RAP1GAP: variants seen among roughly 807,000 people sequenced by gnomAD.
The protein encoded by RAP1GAP is rap1 GTPase-activating protein 1.
RAP1GAP carries 35 observed loss-of-function variants against 87.2 expected under a neutral mutation model. That is an observed-to-expected ratio of 0.40 (90% CI 0.31 to 0.53). The LOEUF is 0.53. Ranked by LOEUF, RAP1GAP falls within the 20% of genes least tolerant of loss-of-function variation. RAP1GAP has a pLI of 0.48. For synonymous variants in RAP1GAP, 375 were observed against 363.9 expected (o/e 1.03, Z -0.35); for missense variants, 734 against 898.9 (o/e 0.82, Z 2.35).
chr1:21,617,252 G>T, intron 7 of RAP1GAP, 54 bp downstream of exon 7: 1 of 1,536,438 alleles, frequency 6.5e-7, no homozygotes, highest in Non-Finnish European at 8.8e-7. Flanking sequence ...ACCTCGAATG[G>T]GGCTGAACTG....
rs1396044356 is a variant in RAP1GAP at position 21,617,364 on chromosome 1, T to C, written c.233A>G (p.Lys78Arg). ...TGTGGGGTTGCACTCGAGCTTCACCTTGGTTGTGGGCGACTGCAGTGGCTC... is the reference window on the plus strand; with the variant it reads ...TGTGGGGTTGCACTCGAGCTTCACCCTGGTTGTGGGCGACTGCAGTGGCTC... ...ETEPLQSPTT[K>R]VKLECNPTAR... Residue 78 changes from lysine (K) to arginine (R), a missense_variant, in exon 7 of 25, where the codon AAG (lysine) becomes AGG (arginine). Lys to Arg is a conservative substitution (Grantham distance 26). Transcript: ENST00000374765. The C allele has an allele frequency of 6.2e-7, 1 of 1,600,494 alleles. No individual in the cohort carries two copies.
chr1:21,599,666 T>G (rs1360553090), intron 20 of RAP1GAP, 49 bp from the exon 21 acceptor site: 16 of 1,575,250 alleles, frequency 1.0e-5, no homozygotes, highest in Non-Finnish European at 1.4e-5. Flanking sequence ...GAGCCCCTCC[T>G]GGGCCAGGCC....
chr1:21,607,963 C>T (rs1304832346), intron 17 of RAP1GAP, among the ~76,000 whole-genome samples: 2 of 151,662 alleles, frequency 1.3e-5, no homozygotes, highest in Non-Finnish European at 2.9e-5. Flanking sequence ...CACACCTCCA[C>T]ACCATGTCAA....
intron 1 of RAP1GAP, among the ~76,000 whole-genome samples, chr1:21,652,104 C>T (rs1380362727): frequency 2.0e-5 from 3 of 148,486 alleles, no homozygotes; most frequent in Non-Finnish European, 3.0e-5. Context: ...GCCCCTCCCC[C>T]ACCCCCTTCC....
rs925635934 is a variant in RAP1GAP at position 21,634,064 on chromosome 1, G to T, written c.-112-7667C>A. Among the ~76,000 whole-genome samples the T allele has an allele frequency of 1.4e-4, 10 of 73,122 alleles. No individual in the cohort carries two copies. Among genetic ancestry groups the T allele is most frequent in the Admixed American group, 2.9e-4 (2 of 6,974 alleles). The allele number at this position is 73,122 out of a possible 152,430, so 48.0% of individuals were successfully genotyped here. On this transcript the variant is annotated intron_variant, in intron 2 of 24. Transcript: ENST00000374765. This position sits in a 1 kb window ranked among gnomAD's most constrained non-coding sequence, Gnocchi z 4.1. ...CCCCAGAACTGCCCCCTCCCGGGGGGGGGGGGGGGCCACAGAAGCCCATTG... is the reference window on the plus strand; with the variant it reads ...CCCCAGAACTGCCCCCTCCCGGGGGTGGGGGGGGGCCACAGAAGCCCATTG...
intron 7 of RAP1GAP, among the ~76,000 whole-genome samples, chr1:21,616,807 G>A (rs2082465217): frequency 6.6e-6 from 1 of 152,216 alleles, no homozygotes; most frequent in African/African-American, 2.4e-5. Flanking sequence ...TATACCTGGT[G>A]CCTAGAACAG....
At chr1:21,606,645 CTTCT>C (rs957399876) in intron 17 of RAP1GAP, among the ~76,000 whole-genome samples, 1 of 152,174 alleles carries the variant, frequency 6.6e-6, no homozygotes, top group Non-Finnish European at 1.5e-5. Context: ...GCTCTCCTGC[CTTCT>C]TTCTTTTCTT....
chr1:21,653,586 T>C (rs1032871251), intron 1 of RAP1GAP, among the ~76,000 whole-genome samples: 2 of 126,010 alleles, frequency 1.6e-5, no homozygotes, highest in African/African-American at 6.1e-5. Context: ...CTTCCTTCCT[T>C]CCTTCCTCCC....
At chr1:21,617,666 C>T (rs1380247010) in intron 6 of RAP1GAP, among the ~76,000 whole-genome samples, 175 bp from the exon 7 acceptor site, 1 of 152,228 alleles carries the variant, frequency 6.6e-6, no homozygotes, top group African/African-American at 2.4e-5. Flanking sequence ...CAGCCAGACC[C>T]AGACAGCGCC....
intron 22 of RAP1GAP, 140 bp from the exon 23 acceptor site, chr1:21,598,204 G>A (rs929394685): frequency 1.7e-5 from 13 of 769,146 alleles, no homozygotes; most frequent in East Asian, 1.4e-4. Context: ...ATTATCCTCC[G>A]AGACCCTTCC....
In RAP1GAP at chr1:21,615,186, G is replaced by A. The variant is rs189176767; in HGVS notation, c.292-1097C>T. Among the ~76,000 whole-genome samples, 18 of 152,268 alleles carry A rather than the reference G, an allele frequency of 1.2e-4. No homozygotes were observed. Among genetic ancestry groups the A allele is most frequent in the African/African-American group, 3.4e-4 (14 of 41,552 alleles). On this transcript the variant is annotated intron_variant, in intron 7 of 24. Transcript: ENST00000374765. This position sits in a 1 kb window ranked among gnomAD's most constrained non-coding sequence, Gnocchi z 4.5. ...CACCCCCAAGCCCAGAGGAGCCCCCGGGACACAGTGGGAGAGCGGGCTCAG... is the reference window on the plus strand; with the variant it reads ...CACCCCCAAGCCCAGAGGAGCCCCCAGGACACAGTGGGAGAGCGGGCTCAG...
rs956769079 is a variant in RAP1GAP, at chr1:21,615,093, G to C, written c.292-1004C>G. On this transcript the variant is annotated intron_variant, in intron 7 of 24. Transcript: ENST00000374765. The surrounding 1 kb of genome is among the most constrained non-coding windows in gnomAD (Gnocchi z 4.5). ...AATGCTTGACATCATCCAGCAGAGA[G>C]GGAGTGGCAGGCACTTGATAAGGAG... is the stretch of plus-strand genomic sequence containing the variant. Among the ~76,000 whole-genome samples, 1 of 152,206 alleles carries C rather than the reference G, an allele frequency of 6.6e-6. No homozygotes were observed. Among genetic ancestry groups the C allele is most frequent in the Non-Finnish European group, 1.5e-5 (1 of 68,038 alleles).
In RAP1GAP at chr1:21,603,394, C is replaced by T; in HGVS notation, c.1429-481G>A. 1.9e-6 allele frequency: 1 copy of T among 537,690 alleles called. No individual in the cohort carries two copies. The allele number at this position is 537,690 out of a possible 1,614,324, so 33.3% of individuals were successfully genotyped here. On this transcript the variant is annotated intron_variant, in intron 18 of 24. Transcript: ENST00000374765. The surrounding 1 kb of genome is among the most constrained non-coding windows in gnomAD (Gnocchi z 6.0). ...CTCCCCCAGCTTCCCACACACTGTG[C>T]TGGGATGCCCCAGGCCCCAGAAGCC...
At chr1:21,601,043 T>G (rs2067979601) in intron 20 of RAP1GAP, among the ~76,000 whole-genome samples, 1 of 141,340 alleles carries the variant, frequency 7.1e-6, no homozygotes, top group Admixed American at 7.3e-5. Flanking sequence ...TTTTAAGCAA[T>G]GGAGTCTTGC....
At chr1:21,620,499 A>G (rs1261370398) in intron 3 of RAP1GAP, among the ~76,000 whole-genome samples, 1 of 152,074 alleles carries the variant, frequency 6.6e-6, no homozygotes, top group African/African-American at 2.4e-5. Flanking sequence ...AAGGGGAGTG[A>G]GCTGGGGGTG....
chr1:21,639,490 G>A (rs951624280), intron 2 of RAP1GAP, among the ~76,000 whole-genome samples: 2 of 152,202 alleles, frequency 1.3e-5, no homozygotes, highest in Admixed American at 1.3e-4. Flanking sequence ...CTAGCTGTGT[G>A]GCCTAGGGAG....
In RAP1GAP at chr1:21,619,094, T is replaced by C. The variant is rs187507821; in HGVS notation, c.19-22A>G. On this transcript the variant is annotated intron_variant, in intron 4 of 24. Coordinates refer to ENST00000374765, the MANE Select transcript of RAP1GAP (RefSeq NM_002885.4). ...TTCCCTGTAAGAGAAGGCAGCACTG[T>C]TACACCCTCCCAGGCCTGCCGCCAG... 326 of 1,587,994 alleles carry C rather than the reference T, an allele frequency of 2.1e-4. No individual in the cohort carries two copies. The African/African-American group carries it at 4.2e-3, about 20-fold the overall frequency.
chr1:21,643,777 C>T (rs1287742948), intron 2 of RAP1GAP, among the ~76,000 whole-genome samples: 2 of 152,138 alleles, frequency 1.3e-5, no homozygotes, highest in African/African-American at 4.8e-5. Flanking sequence ...ATACTGTTTC[C>T]ATTGTTATGG....
chr1:21,599,929 G>A (rs1467778871), intron 20 of RAP1GAP, among the ~76,000 whole-genome samples: 1 of 152,202 alleles, frequency 6.6e-6, no homozygotes, highest in African/African-American at 2.4e-5. Flanking sequence ...AGCGGTTAGC[G>A]ACACTAACAT....
Sources: allele counts gnomAD v4.1 joint callset (sites outside exome capture counted in the v4.1 genomes callset), GRCh38; gene constraint gnomAD v4.1.1; non-coding constraint Gnocchi (gnomAD v3.1); transcripts MANE v1.5; gene names NCBI Gene and HGNC (gene_info 2026-07-23, HGNC 2026-07-21).